The following SYT2 variants were observed in gnomAD, a reference collection of about 807,000 sequenced individuals.
SYT2 encodes the protein synaptotagmin 2.
A neutral mutation model predicts 39.9 loss-of-function variants in SYT2; 15 were observed. That is an observed-to-expected ratio of 0.38 (90% CI 0.25 to 0.58). The LOEUF is 0.58. Ranked by LOEUF, SYT2 falls within the 20% of genes least tolerant of loss-of-function variation. The pLI is 0.70. For synonymous variants in SYT2, 181 were observed against 204.5 expected, an observed-to-expected ratio of 0.89 and a Z score of 0.98; for missense variants, 389 against 530.3, an observed-to-expected ratio of 0.73 and a Z score of 2.62.
intron 1 of SYT2, chr1:202,630,386 C>G: frequency 7.1e-6 from 7 of 985,352 alleles, no homozygotes; most frequent in Non-Finnish European, 8.4e-6. Flanking sequence ...ACCGGCTTTC[C>G]CATGATGCAC....
intron 1 of SYT2, among the ~76,000 whole-genome samples, chr1:202,663,883 G>A (rs1473651896): frequency 6.6e-6 from 1 of 152,102 alleles, no homozygotes; most frequent in East Asian, 1.9e-4. Flanking sequence ...CTTTCTCTGG[G>A]TTTGTACTAA....
At chr1:202,608,283 A>ATTTT (rs56180154) in intron 1 of SYT2, among the ~76,000 whole-genome samples, 5 of 141,280 alleles carry the variant, frequency 3.5e-5, no homozygotes, top group African/African-American at 7.9e-5. Context: ...GATAGAAAAC[A>ATTTT]TTTTTTTTTT....
chr1:202,673,990 T>C (rs2149110195), intron 1 of SYT2, among the ~76,000 whole-genome samples: 1 of 152,312 alleles, frequency 6.6e-6, no homozygotes, highest in African/African-American at 2.4e-5. Flanking sequence ...TTGTGTGTAA[T>C]ACATGAAGGT....
chr1:202,688,489 C>T (rs1653732534), intron 1 of SYT2, among the ~76,000 whole-genome samples: 1 of 152,214 alleles, frequency 6.6e-6, no homozygotes, highest in African/African-American at 2.4e-5. Flanking sequence ...TGGACAGCAA[C>T]CAGGTATCAA....
In SYT2 at chr1:202,690,275, A is replaced by G. The variant is rs1014907903; in HGVS notation, c.-18+19983T>C. Among the ~76,000 whole-genome samples, 84 of 152,232 alleles carry G rather than the reference A, an allele frequency of 5.5e-4. 1 individual carries two copies. The highest frequency in any genetic ancestry group is 2.0e-3 in the African/African-American group (81 of 41,460). On this transcript the variant is annotated intron_variant, in intron 1 of 8. Transcript: ENST00000367268. The stretch of plus-strand genomic sequence containing the variant: ...TCACAGGCCAAGCTGAGCCTGGGAC[A>G]TAGGAACCTCACAATGAAGATTTCC...
At chr1:202,619,239 G>C (rs1285873448) in intron 1 of SYT2, among the ~76,000 whole-genome samples, 1 of 152,198 alleles carries the variant, frequency 6.6e-6, no homozygotes, top group Non-Finnish European at 1.5e-5. Flanking sequence ...GAAGACTTGA[G>C]GATGATAAAT....
At chr1:202,647,971 G>A (rs750052863) in intron 1 of SYT2, among the ~76,000 whole-genome samples, 5 of 152,034 alleles carry the variant, frequency 3.3e-5, no homozygotes, top group South Asian at 2.1e-4. Flanking sequence ...TACAGGCTCC[G>A]AAGCCAGTGG....
chr1:202,673,400 T>C (rs1449879986), intron 1 of SYT2, among the ~76,000 whole-genome samples: 1 of 152,168 alleles, frequency 6.6e-6, no homozygotes, highest in East Asian at 1.9e-4. Context: ...GAATCAGTAA[T>C]TCACATCTAA....
rs1171832725 is a variant in SYT2, at chr1:202,628,705, G to T, written c.-17-22916C>A. Among the ~76,000 whole-genome samples, 1 of 152,224 alleles carries T rather than the reference G, an allele frequency of 6.6e-6. No homozygotes were observed. The highest frequency in any genetic ancestry group is 2.4e-5 in the African/African-American group (1 of 41,464). ...AAAACACCCATGGGCTGGAGGAGGG[G>T]AGCAGTGAGGGGGAGAATTCCAAAT... On this transcript the variant is annotated intron_variant, in intron 1 of 8. Transcript: ENST00000367268. The surrounding 1 kb of genome is among the most constrained non-coding windows in gnomAD (Gnocchi z 4.2).
rs998586225 is a variant in SYT2 at position 202,693,854 on chromosome 1, A to G, written c.-18+16404T>C. Among the ~76,000 whole-genome samples, 110 of 152,220 alleles carry G rather than the reference A, an allele frequency of 7.2e-4. 1 individual carries two copies. The highest frequency in any genetic ancestry group is 9.2e-4 in the Admixed American group (14 of 15,282). ...ATGTTTAATTGGCTCATGGTGCTTC[A>G]GGCTGTATAGGAAGCATTGCACCAG... On this transcript the variant is annotated intron_variant, in intron 1 of 8. Transcript: ENST00000367268.
At chr1:202,661,852 A>C (rs1296651549) in intron 1 of SYT2, among the ~76,000 whole-genome samples, 7 of 152,234 alleles carry the variant, frequency 4.6e-5, no homozygotes, top group South Asian at 2.1e-4. Context: ...TCACAAATCT[A>C]GTACATTTAT....
chr1:202,604,255 C>T, intron 3 of SYT2, 200 bp downstream of exon 3: 1 of 602,652 alleles, frequency 1.7e-6, no homozygotes, highest in Admixed American at 2.8e-5. Flanking sequence ...TGAGTTCATG[C>T]TAACACAGGA....
chr1:202,621,811 C>T (rs1285526301), intron 1 of SYT2, among the ~76,000 whole-genome samples: 5 of 152,246 alleles, frequency 3.3e-5, no homozygotes, highest in Non-Finnish European at 7.3e-5. Context: ...TCTCCTCTAG[C>T]AGGCTTCTGG....
At chr1:202,667,614 A>C (rs1204306924) in intron 1 of SYT2, among the ~76,000 whole-genome samples, 1 of 152,196 alleles carries the variant, frequency 6.6e-6, no homozygotes, top group Non-Finnish European at 1.5e-5. Context: ...TGAAGATTAC[A>C]TCAATCAATA....
chr1:202,597,658 TAAGAA>T (rs1212026890), intron 8 of SYT2, among the ~76,000 whole-genome samples: 2 of 152,010 alleles, frequency 1.3e-5, no homozygotes, highest in Non-Finnish European at 2.9e-5. Context: ...CTGACGACTT[TAAGAA>T]AAGGAGTGTC....
intron 1 of SYT2, among the ~76,000 whole-genome samples, chr1:202,620,409 G>C (rs1691171561): frequency 6.6e-6 from 1 of 152,132 alleles, no homozygotes; most frequent in Non-Finnish European, 1.5e-5. Context: ...TTGGCCTGGG[G>C]TGAGTTAGGA....
intron 1 of SYT2, among the ~76,000 whole-genome samples, chr1:202,625,594 T>G (rs1470494793): frequency 6.6e-6 from 1 of 151,912 alleles, no homozygotes; most frequent in East Asian, 1.9e-4. Flanking sequence ...TGAGGAGACC[T>G]AGCGGTGCCC....
chr1:202,703,644 G>C (rs1038617065), intron 1 of SYT2, among the ~76,000 whole-genome samples: 2 of 152,050 alleles, frequency 1.3e-5, no homozygotes, highest in Non-Finnish European at 2.9e-5. Flanking sequence ...GGTCCGGAGG[G>C]AGCCTGTGAT....
intron 1 of SYT2, among the ~76,000 whole-genome samples, chr1:202,674,680 A>C (rs1289062768): frequency 6.6e-6 from 1 of 152,136 alleles, no homozygotes; most frequent in Non-Finnish European, 1.5e-5. Flanking sequence ...CTCAGCTTAA[A>C]ATTTTCCAAG....
Sources: gnomAD v4.1 joint callset for allele counts (sites outside exome capture counted in the v4.1 genomes callset) on GRCh38, gnomAD v4.1.1 for gene constraint, Gnocchi (gnomAD v3.1) non-coding constraint, MANE v1.5 for transcripts, NCBI Gene and HGNC (gene_info 2026-07-23, HGNC 2026-07-21) for gene names.